The following PIGZ variants were observed in gnomAD, a reference collection of about 807,000 sequenced individuals.
PIGZ encodes phosphatidylinositol glycan anchor biosynthesis class Z (Gwada blood group), also known as GPI alpha-1,2-mannosyltransferase 4.
PIGZ carries 16 observed loss-of-function variants against 16.4 expected under a neutral mutation model. The observed-to-expected ratio is 0.97, with a 90% CI of 0.66 to 1.48. The LOEUF (loss-of-function observed/expected upper bound fraction) is 1.48, where lower values mean the gene tolerates loss of function less well. Among genes scored for constraint, PIGZ ranks in the 40% most tolerant of loss-of-function variants. The probability of loss-of-function intolerance (pLI) is 0.00; values close to 1 mark genes in which losing one functional copy is unlikely to be tolerated. For synonymous variants in PIGZ, 409 were observed against 338.4 expected (o/e 1.21, Z -2.29); for missense variants, 770 against 739.2 (o/e 1.04, Z -0.48).
intron 2 of PIGZ, among the ~76,000 whole-genome samples, chr3:196,949,785 G>A (rs1284185702): frequency 2.0e-5 from 3 of 152,030 alleles, no homozygotes; most frequent in Non-Finnish European, 4.4e-5. Context: ...AGGCGGGCAG[G>A]TGGGGGAGGC....
Position 196,947,570 on chromosome 3 carries a change from C to T in PIGZ, c.1327G>A (p.Glu443Lys). Residue 443 changes from glutamate to lysine, a missense_variant, in exon 3 of 3, where the codon GAG becomes AAG. Glu to Lys is a moderately conservative substitution (Grantham distance 56, BLOSUM62 1). Coordinates refer to ENST00000412723, the MANE Select transcript of PIGZ (RefSeq NM_025163.4). ...AGCACAGGGGCATGGACCACCTGCT[C>T]CAGGTACTCCAGGCCAGGCACCAGG... ...GGLVPGLEYL[E>K]QVVHAPVLPS... 1 of 1,613,836 alleles carries T rather than the reference C, an allele frequency of 6.2e-7. No homozygotes were observed.
chr3:196,964,026 G>C (rs894685025), intron 1 of PIGZ, among the ~76,000 whole-genome samples: 2 of 146,186 alleles, frequency 1.4e-5, no homozygotes, highest in African/African-American at 2.6e-5. Flanking sequence ...TTTTTTATTT[G>C]TTTGCTTTTA....
At chr3:196,955,255 T>G (rs535825392) in intron 1 of PIGZ, among the ~76,000 whole-genome samples, 1 of 152,196 alleles carries the variant, frequency 6.6e-6, no homozygotes, top group Admixed American at 6.5e-5. Flanking sequence ...ATTTATTGAT[T>G]TTTTACTGCT....
At chr3:196,956,623 G>A (rs1165756607) in intron 1 of PIGZ, among the ~76,000 whole-genome samples, 1 of 152,168 alleles carries the variant, frequency 6.6e-6, no homozygotes, top group Non-Finnish European at 1.5e-5. Context: ...TATCTTCCAT[G>A]TCTCTTTAAG....
In PIGZ at chr3:196,948,678, G is replaced by A. The variant is rs1205510599; in HGVS notation, c.219C>T (p.Ile73=). ...FQSPEVMAED[I]LGVQAARPWE... ...AGGGCCGCGCGGCCTGAACGCCCAG[G>A]ATGTCCTCTGCAGAGAGAGGCAGAG... is the stretch of plus-strand genomic sequence containing the variant. Residue 73 remains isoleucine (I), a synonymous_variant, in exon 3 of 3, where the codon ATC becomes ATT. Transcript: ENST00000412723. 2 of 1,452,754 alleles carry A rather than the reference G, an allele frequency of 1.4e-6. No individual in the cohort carries two copies. The highest frequency in any genetic ancestry group is 1.8e-6 in the Non-Finnish European group (2 of 1,105,322). 90.0% of individuals were successfully genotyped at this position (1,452,754 alleles called of 1,614,324 possible).
At position 196,948,672 on chromosome 3, in the gene PIGZ, G is replaced by T; in HGVS notation, c.225C>A (p.Gly75=). 6.9e-7 allele frequency: 1 copy of T among 1,454,450 alleles called. No individual in the cohort carries two copies. Among genetic ancestry groups the T allele is most frequent in the Non-Finnish European group, 9.0e-7 (1 of 1,105,826 alleles). The allele number at this position is 1,454,450 out of a possible 1,614,324, so 90.1% of individuals were successfully genotyped here. ...SPEVMAEDIL[G]VQAARPWEFY... ...ACTCCCAGGGCCGCGCGGCCTGAAC[G>T]CCCAGGATGTCCTCTGCAGAGAGAG... The change falls in exon 3 of 3, where the codon GGC becomes GGA. Residue 75 remains glycine, a synonymous_variant. Transcript: ENST00000412723.
At chr3:196,949,855 C>A (rs1378677508) in intron 2 of PIGZ, among the ~76,000 whole-genome samples, 1 of 152,040 alleles carries the variant, frequency 6.6e-6, no homozygotes, top group Non-Finnish European at 1.5e-5. Flanking sequence ...CTTGTCCTTA[C>A]ACCTGTCAAG....
chr3:196,963,122 A>G (rs1717787783), intron 1 of PIGZ, among the ~76,000 whole-genome samples: 3 of 152,186 alleles, frequency 2.0e-5, no homozygotes, highest in Non-Finnish European at 4.4e-5. Context: ...GTGTTGTAGC[A>G]GGTATCACTA....
Position 196,965,368 on chromosome 3 carries a change from T to G in PIGZ, c.-1+3319A>C, listed in dbSNP as rs570528307. Among the ~76,000 whole-genome samples the G allele has an allele frequency of 1.3e-5, 2 of 151,986 alleles. No homozygotes were observed. The highest frequency in any genetic ancestry group is 2.9e-5 in the Non-Finnish European group (2 of 68,012). ...AGATCTCATGAGAACTCCCTAACTATCCGAAGAACAGCGTGGGGGAAACCA... is the reference window on the plus strand; with the variant it reads ...AGATCTCATGAGAACTCCCTAACTAGCCGAAGAACAGCGTGGGGGAAACCA... On this transcript the variant is annotated intron_variant, in intron 1 of 2. Transcript: ENST00000412723. This position sits in a 1 kb window ranked among gnomAD's most constrained non-coding sequence, Gnocchi z 4.2.
chr3:196,950,554 T>G (rs1462012254), intron 2 of PIGZ, among the ~76,000 whole-genome samples: 1 of 152,196 alleles, frequency 6.6e-6, no homozygotes, highest in Non-Finnish European at 1.5e-5. Flanking sequence ...AGCTGTTTTA[T>G]CTATCTATGT....
rs529574123 is a variant in PIGZ, at chr3:196,965,031, A to G, written c.-1+3656T>C. Among the ~76,000 whole-genome samples, 1 of 152,278 alleles carries G rather than the reference A, an allele frequency of 6.6e-6. No homozygotes were observed. The highest frequency in any genetic ancestry group is 1.9e-4 in the East Asian group (1 of 5,176). On this transcript the variant is annotated intron_variant, in intron 1 of 2. Coordinates refer to ENST00000412723, the MANE Select transcript of PIGZ (RefSeq NM_025163.4). The surrounding 1 kb of genome is among the most constrained non-coding windows in gnomAD (Gnocchi z 4.2). Reference sequence around the variant, plus strand: ...CCTGCTTCAAACACAGGGCAGCCCAAAAGAACTCATCACCTTCCCTGGAAT... The same window carrying G: ...CCTGCTTCAAACACAGGGCAGCCCAGAAGAACTCATCACCTTCCCTGGAAT...
At chr3:196,958,275 G>C (rs1482626390) in intron 1 of PIGZ, among the ~76,000 whole-genome samples, 2 of 151,824 alleles carry the variant, frequency 1.3e-5, no homozygotes, top group Non-Finnish European at 2.9e-5. Flanking sequence ...TGTAGAAAAA[G>C]TAAAAAGTGC....
At chr3:196,950,728 C>T (rs1165565149) in intron 2 of PIGZ, among the ~76,000 whole-genome samples, 1 of 151,170 alleles carries the variant, frequency 6.6e-6, no homozygotes, top group African/African-American at 2.4e-5. Flanking sequence ...TATCTATTCC[C>T]TCCTCCTTCA....
chr3:196,951,332 G>A (rs1041080680), intron 2 of PIGZ, among the ~76,000 whole-genome samples: 1 of 152,168 alleles, frequency 6.6e-6, no homozygotes, highest in Non-Finnish European at 1.5e-5. Context: ...GCCTTTGGGC[G>A]AGACGGTATG....
intron 2 of PIGZ, among the ~76,000 whole-genome samples, chr3:196,950,755 C>CT (rs1352529904): frequency 6.8e-6 from 1 of 147,734 alleles, no homozygotes; most frequent in Non-Finnish European, 1.5e-5. Flanking sequence ...TTTTTTTTTT[C>CT]TTTTTTTGAG....
At chr3:196,955,822 G>A (rs1271426654) in intron 1 of PIGZ, among the ~76,000 whole-genome samples, 5 of 151,726 alleles carry the variant, frequency 3.3e-5, no homozygotes, top group Non-Finnish European at 7.4e-5. Context: ...CAGGTGATCT[G>A]CCCACCTCAG....
intron 1 of PIGZ, among the ~76,000 whole-genome samples, chr3:196,955,292 T>C (rs548637191): frequency 1.3e-5 from 2 of 152,378 alleles, no homozygotes; most frequent in African/African-American, 4.8e-5. Flanking sequence ...GAAATGTGTG[T>C]TGAACTAGCT....
chr3:196,960,902 A>G (rs1717696873), intron 1 of PIGZ, among the ~76,000 whole-genome samples: 2 of 152,230 alleles, frequency 1.3e-5, no homozygotes, highest in African/African-American at 2.4e-5. Flanking sequence ...ATTATAAAGA[A>G]TATATATCAG....
chr3:196,957,283 G>A (rs6791669), intron 1 of PIGZ, among the ~76,000 whole-genome samples: 5,960 of 151,994 alleles, frequency 0.039, 335 homozygotes, highest in African/African-American at 0.13. Context: ...AAATTCTGAA[G>A]GGAGATAGCC....
Sources: gnomAD v4.1 joint callset for allele counts (sites outside exome capture counted in the v4.1 genomes callset) on GRCh38, gnomAD v4.1.1 for gene constraint, Gnocchi (gnomAD v3.1) non-coding constraint, MANE v1.5 for transcripts, NCBI Gene and HGNC (gene_info 2026-07-23, HGNC 2026-07-21) for gene names.